KIF21A: variants seen among roughly 807,000 people sequenced by gnomAD.
KIF21A encodes kinesin-like protein KIF21A.
KIF21A carries 114 observed loss-of-function variants against 202.9 expected under a neutral mutation model. That is an observed-to-expected ratio of 0.56 (90% confidence interval 0.48 to 0.66). KIF21A has a LOEUF of 0.66. Ranked by LOEUF, KIF21A falls within the 30% of genes least tolerant of loss-of-function variation. The pLI, the probability that KIF21A is intolerant of heterozygous loss-of-function variation, is 0.00. For missense variants in KIF21A, 1,677 were observed against 1,994.9 expected (o/e 0.84, Z 3.04); for synonymous variants, 667 against 670.8 (o/e 0.99, Z 0.09).
intron 33 of KIF21A, among the ~76,000 whole-genome samples, chr12:39,308,047 A>C (rs1943647855): frequency 6.6e-6 from 1 of 152,058 alleles, no homozygotes; most frequent in Admixed American, 6.6e-5. Flanking sequence ...AGAAAAGATT[A>C]GATTTTTTTT....
At chr12:39,428,054 G>A (rs995771193) in intron 1 of KIF21A, among the ~76,000 whole-genome samples, 3 of 152,180 alleles carry the variant, frequency 2.0e-5, no homozygotes, top group Non-Finnish European at 2.9e-5. Context: ...TGTGCAGTAT[G>A]GGTAGGGATG....
At chr12:39,359,664 A>G (rs1949055860) in intron 7 of KIF21A, among the ~76,000 whole-genome samples, 1 of 152,208 alleles carries the variant, frequency 6.6e-6, no homozygotes, top group Admixed American at 6.5e-5. Context: ...AGAATAGAGC[A>G]ACTTGAAGTG....
intron 32 of KIF21A, among the ~76,000 whole-genome samples, chr12:39,310,011 T>A (rs1312414796): frequency 1.3e-5 from 2 of 151,896 alleles, no homozygotes; most frequent in Non-Finnish European, 2.9e-5. Flanking sequence ...ATTGAAAAAA[T>A]ATTTATGAAA....
intron 20 of KIF21A, 65 bp from the exon 21 acceptor site, chr12:39,332,473 A>AGCG: frequency 2.5e-6 from 2 of 787,540 alleles, no homozygotes; most frequent in Non-Finnish European, 4.0e-6. Context: ...GTACCATCAA[A>AGCG]CCCCCCCACC....
chr12:39,427,958 C>T (rs1206272290), intron 1 of KIF21A, among the ~76,000 whole-genome samples: 3 of 152,136 alleles, frequency 2.0e-5, no homozygotes, highest in African/African-American at 4.8e-5. Context: ...CCGCGCCCAG[C>T]CACATCTTTT....
intron 1 of KIF21A, among the ~76,000 whole-genome samples, chr12:39,436,554 C>T (rs1224637485): frequency 6.9e-6 from 1 of 145,480 alleles, no homozygotes; most frequent in Non-Finnish European, 1.5e-5. Context: ...TAGCCCCAAG[C>T]GATCTTCCCA....
At position 39,332,424 on chromosome 12, in the gene KIF21A, G is replaced by A. The variant is rs758839445; in HGVS notation, c.2857-16C>T. 6.2e-7 allele frequency: 1 copy of A among 1,612,558 alleles called. No individual in the cohort carries two copies. Among genetic ancestry groups the A allele is most frequent in the Non-Finnish European group, 8.5e-7 (1 of 1,178,808 alleles). On this transcript the variant is annotated splice_polypyrimidine_tract_variant and intron_variant, in intron 20 of 37. Coordinates refer to ENST00000361418, the MANE Select transcript of KIF21A (RefSeq NM_001173464.2). ...CCTCCCGTTGCTATTGAGAAAGCAG[G>A]TTGGATTTTAAGAAATTATGTTCAC...
intron 1 of KIF21A, among the ~76,000 whole-genome samples, chr12:39,418,192 TAAA>T (rs879636714): frequency 1.8e-5 from 2 of 112,576 alleles, no homozygotes; most frequent in East Asian, 2.5e-4. Context: ...AGACCCTGAC[TAAA>T]AAAAAAAAAA....
At chr12:39,345,486 A>G (rs1296960659) in intron 12 of KIF21A, among the ~76,000 whole-genome samples, 1 of 151,706 alleles carries the variant, frequency 6.6e-6, no homozygotes, top group African/African-American at 2.4e-5. Context: ...ATACTATATA[A>G]CATACTAAAT....
At chr12:39,335,952 C>T (rs1364263822) in intron 17 of KIF21A, among the ~76,000 whole-genome samples, 1 of 152,176 alleles carries the variant, frequency 6.6e-6, no homozygotes, top group Non-Finnish European at 1.5e-5. Context: ...TTCCTCTTTA[C>T]ATTCCAAAAT....
At chr12:39,428,956 CAAA>C (rs931501673) in intron 1 of KIF21A, among the ~76,000 whole-genome samples, 5 of 65,624 alleles carry the variant, frequency 7.6e-5, no homozygotes, top group African/African-American at 2.4e-4. Context: ...GACTCCGTCT[CAAA>C]AAAAAAAAAA....
At chr12:39,323,414 G>C (rs1276120420) in intron 26 of KIF21A, among the ~76,000 whole-genome samples, 1 of 152,082 alleles carries the variant, frequency 6.6e-6, no homozygotes, top group African/African-American at 2.4e-5. Flanking sequence ...TTTTTCCCAT[G>C]CTTAATTTCT....
At chr12:39,426,242 C>T (rs1954736634) in intron 1 of KIF21A, among the ~76,000 whole-genome samples, 1 of 152,188 alleles carries the variant, frequency 6.6e-6, no homozygotes, top group African/African-American at 2.4e-5. Flanking sequence ...CACTAAAATT[C>T]AAGCTGTCCA....
chr12:39,333,090 C>T lies in KIF21A; in HGVS notation c.2505G>A (p.Arg835=). 1 of 1,613,906 alleles carries T rather than the reference C, an allele frequency of 6.2e-7. No homozygotes were observed. Among genetic ancestry groups the T allele is most frequent in the Non-Finnish European group, 8.5e-7 (1 of 1,179,956 alleles). The change falls in exon 19 of 38, where the codon CGG becomes CGA. Residue 835 remains arginine, a synonymous_variant. Coordinates refer to ENST00000361418, the MANE Select transcript of KIF21A (RefSeq NM_001173464.2). ...CTTTATCTGACATGGGTCTTACTTG[C>T]CGACGAAGAGCCGTAACCTGAAATT... ...RKTEEVTALR[R]QVRPMSDKVA...
intron 1 of KIF21A, among the ~76,000 whole-genome samples, chr12:39,437,994 A>C (rs751382799): frequency 6.6e-6 from 1 of 152,208 alleles, no homozygotes; most frequent in African/African-American, 2.4e-5. Context: ...GAAATTATTA[A>C]GTAAAATTTT....
At chr12:39,369,981 C>T in intron 2 of KIF21A, 58 bp downstream of exon 2, 1 of 1,588,992 alleles carries the variant, frequency 6.3e-7, no homozygotes. Context: ...AATGAAAGCG[C>T]AACTGAATTA....
chr12:39,343,596 T>A (rs947624285), intron 12 of KIF21A, among the ~76,000 whole-genome samples: 2 of 152,184 alleles, frequency 1.3e-5, no homozygotes, highest in African/African-American at 4.8e-5. Flanking sequence ...TAGGCCCTAT[T>A]ATAGCTATAA....
chr12:39,305,558 T>C (rs1943391991), intron 34 of KIF21A, among the ~76,000 whole-genome samples: 1 of 152,004 alleles, frequency 6.6e-6, no homozygotes, highest in Middle Eastern at 3.2e-3. Context: ...TCATTTTAGC[T>C]CCACATCTAC....
chr12:39,347,120 A>G (rs1947966957), intron 11 of KIF21A, among the ~76,000 whole-genome samples: 1 of 151,986 alleles, frequency 6.6e-6, no homozygotes, highest in African/African-American at 2.4e-5. Flanking sequence ...TTGTTATGAT[A>G]TCTGTGAAAA....
Sources: gnomAD v4.1 joint callset for allele counts (sites outside exome capture counted in the v4.1 genomes callset) on GRCh38, gnomAD v4.1.1 for gene constraint, MANE v1.5 for transcripts, NCBI Gene and HGNC (gene_info 2026-07-23, HGNC 2026-07-21) for gene names.